PGK1: variants seen among roughly 807,000 people sequenced by gnomAD.
PGK1 encodes the protein PRP 2.
In PGK1, 3 loss-of-function variants were observed where a neutral mutation model predicts 26.9. The observed-to-expected ratio is 0.11, with a 90% CI of 0.05 to 0.29. The LOEUF (loss-of-function observed/expected upper bound fraction) is 0.29. PGK1 is among the 10% of genes least tolerant of loss of function. The probability of loss-of-function intolerance (pLI) is 1.00; values close to 1 mark genes in which losing one functional copy is unlikely to be tolerated. For synonymous variants in PGK1, 125 were observed against 115.3 expected (o/e 1.08, Z -0.54); for missense variants, 270 against 314.7 (o/e 0.86, Z 1.07).
intron 6 of PGK1, among the ~76,000 whole-genome samples, chrX:78,122,358 CACAATTAGCAATCGTGCTTAGAT>C (rs1471429033): frequency 1.8e-5 from 2 of 109,716 alleles, no homozygotes; most frequent in Non-Finnish European, 3.8e-5. Context: ...TCTGGGATCC[CACAATTAGCAATCGTGCTTAGAT>C]ACAATTAGCA....
intron 8 of PGK1, among the ~76,000 whole-genome samples, chrX:78,123,813 T>TG (rs782491672): frequency 1.4e-3 from 152 of 111,049 alleles, no homozygotes; most frequent in African/African-American, 4.6e-3. Context: ...TTCACCATGT[T>TG]GGTCAGGATG....
chrX:78,107,951 T>TA (rs1476861128), intron 1 of PGK1, among the ~76,000 whole-genome samples: 1 of 105,270 alleles, frequency 9.5e-6, no homozygotes, highest in Admixed American at 1.0e-4. Context: ...TCAGGGGTGT[T>TA]ATAAGGAAAC....
At chrX:78,111,127 C>T (rs2078298951) in intron 2 of PGK1, among the ~76,000 whole-genome samples, 1 of 108,551 alleles carries the variant, frequency 9.2e-6, no homozygotes, top group Non-Finnish European at 1.9e-5. Flanking sequence ...TTCTGTCGCC[C>T]AGGCTGGAGT....
intron 4 of PGK1, among the ~76,000 whole-genome samples, chrX:78,114,775 C>A (rs574251743): frequency 2.7e-5 from 3 of 112,261 alleles, no homozygotes; most frequent in Non-Finnish European, 5.6e-5. Context: ...GAACTACTCA[C>A]CTCTGCCGAT....
intron 4 of PGK1, among the ~76,000 whole-genome samples, chrX:78,115,293 T>C (rs1016295032): frequency 9.0e-6 from 1 of 111,404 alleles, no homozygotes; most frequent in Non-Finnish European, 1.9e-5. Flanking sequence ...GTAAACTGAC[T>C]TGACATTCAC....
At position 78,120,330 on chromosome X, in the gene PGK1, TAC is replaced by T. The variant is rs782472219; in HGVS notation, c.641+2178_641+2179del. Reference sequence around the variant, plus strand: ...TCCTAACTCTGTTTTGTCAGGAATGTACACACACACACACACACATATATATA... The same window carrying T: ...TCCTAACTCTGTTTTGTCAGGAATGTACACACACACACACACATATATATA... On this transcript the variant is annotated intron_variant, in intron 6 of 10. Coordinates refer to ENST00000373316, the MANE Select transcript of PGK1 (RefSeq NM_000291.4). Among the ~76,000 whole-genome samples the T allele has an allele frequency of 2.0e-3, 214 of 105,946 alleles. 1 individual carries two copies. Among genetic ancestry groups the T allele is most frequent in the African/African-American group, 5.9e-3 (171 of 29,087 alleles). The allele number at this position is 105,946 out of a possible 115,157, so 92.0% of individuals were successfully genotyped here.
Position 78,127,471 on chromosome X carries a change from C to T in PGK1, c.*1641C>T, listed in dbSNP as rs782461382. 8.9e-6 allele frequency: 1 copy of T among 111,893 alleles called. No individual in the cohort carries two copies. Among genetic ancestry groups the T allele is most frequent in the Non-Finnish European group, 1.9e-5 (1 of 53,231 alleles). 9.2% of individuals were successfully genotyped at this position (111,893 alleles called of 1,213,427 possible). ...GCCATGTCTGACCAGAAATTCTGTG[C>T]TGGAAAGATATGTATTTCACCTTTA... is the stretch of plus-strand genomic sequence containing the variant. On this transcript the variant is annotated 3_prime_UTR_variant, in exon 11 of 11. Coordinates refer to ENST00000373316, the MANE Select transcript of PGK1 (RefSeq NM_000291.4).
rs2078373661 is a variant in PGK1 at position 78,124,733 on chromosome X, A to C, written c.937-141A>C. 7.5e-6 allele frequency: 4 copies of C among 535,283 alleles called. No homozygotes were observed. The East Asian group carries it at 1.3e-4, about 18-fold the overall frequency. 44.1% of individuals were successfully genotyped at this position (535,283 alleles called of 1,213,427 possible). A position where few individuals can be genotyped will look rare whatever the true frequency, so the allele number is the denominator to read the frequency against. ...AGAATTTTTGAGTATAAAGGGCATG[A>C]ACAGGTTTATAAAGACTGAAGGGTA... On this transcript the variant is annotated intron_variant, in intron 8 of 10. Transcript: ENST00000373316.
At chrX:78,111,165 A>G (rs1264470494) in intron 2 of PGK1, among the ~76,000 whole-genome samples, 2 of 109,413 alleles carry the variant, frequency 1.8e-5, no homozygotes, top group East Asian at 2.9e-4. Flanking sequence ...GCTCACTGCA[A>G]TCTCTGCCTC....
chrX:78,125,217 G>T (rs2078376779), intron 9 of PGK1, 110 bp from the exon 10 acceptor site: 3 of 728,314 alleles, frequency 4.1e-6, no homozygotes, highest in Admixed American at 5.1e-5. Context: ...AGAGTTGGGG[G>T]TTTATCAGCT....
chrX:78,126,032 C>G lies in PGK1; in HGVS notation c.*202C>G. 1 of 467,216 alleles carries G rather than the reference C, an allele frequency of 2.1e-6. No homozygotes were observed. The highest frequency in any genetic ancestry group is 3.8e-6 in the Non-Finnish European group (1 of 264,045). 38.5% of individuals were successfully genotyped at this position (467,216 alleles called of 1,213,427 possible). A position where few individuals can be genotyped will look rare whatever the true frequency, so the allele number is the denominator to read the frequency against. On this transcript the variant is annotated 3_prime_UTR_variant, in exon 11 of 11. Transcript: ENST00000373316. ...TGGATTTGCATACATTCTTCAAGAT[C>G]CCATTTGAATTTTTTAGTGACTAAA...
chrX:78,112,781 C>T (rs2078307462), intron 2 of PGK1, among the ~76,000 whole-genome samples: 1 of 112,149 alleles, frequency 8.9e-6, no homozygotes, highest in Non-Finnish European at 1.9e-5. Flanking sequence ...TGAAAGAATG[C>T]ATGACAAGAT....
intron 8 of PGK1, among the ~76,000 whole-genome samples, chrX:78,123,614 T>G (rs1254100756): frequency 1.8e-4 from 19 of 106,682 alleles, no homozygotes; most frequent in East Asian, 1.5e-3. Flanking sequence ...GTTGTTGTTT[T>G]TTTTTTTTTT....
chrX:78,117,480 C>T (rs2149133757), intron 5 of PGK1, 65 bp downstream of exon 5: 1 of 769,896 alleles, frequency 1.3e-6, no homozygotes. Context: ...GTAGCCCAAG[C>T]TCTGGGTTGT....
intron 1 of PGK1, among the ~76,000 whole-genome samples, chrX:78,107,962 G>GAA (rs146163611): frequency 1.3e-5 from 1 of 74,842 alleles, no homozygotes. Context: ...ATAAGGAAAC[G>GAA]AAAAAAAAAA....
intron 1 of PGK1, among the ~76,000 whole-genome samples, chrX:78,104,682 G>T (rs782206029): frequency 9.0e-6 from 1 of 111,294 alleles, no homozygotes; most frequent in African/African-American, 3.3e-5. Context: ...TCCTATTGGT[G>T]AAATGCAGTT....
chrX:78,118,667 A>G (rs1923578188), intron 6 of PGK1, among the ~76,000 whole-genome samples: 1 of 111,722 alleles, frequency 9.0e-6, no homozygotes, highest in African/African-American at 3.3e-5. Context: ...ACAAAGGGAC[A>G]GTACAGTAAT....
Position 78,123,267 on chromosome X carries a change from G to A in PGK1, c.829G>A (p.Gly277Ser), listed in dbSNP as rs782609296. The A allele has an allele frequency of 8.3e-7, 1 of 1,201,232 alleles. No individual in the cohort carries two copies. Among genetic ancestry groups the A allele is most frequent in the South Asian group, 1.8e-5 (1 of 56,714 alleles). The change falls in exon 8 of 11, where the codon GGT (glycine) becomes AGT (serine). Residue 277 changes from glycine to serine, a missense_variant. This residue lies in a region of PGK1 where 103 missense variants were observed against 114.6 expected (regional missense o/e 0.90). Coordinates refer to ENST00000373316, the MANE Select transcript of PGK1 (RefSeq NM_000291.4). ...CCTAATGTCCAAAGCTGAGAAGAAT[G>A]GTGTGAAGATTACCTTGCCTGTTGA... ...KDLMSKAEKN[G>S]VKITLPVDFV...
At chrX:78,124,773 A>G in intron 8 of PGK1, 101 bp from the exon 9 acceptor site, 1 of 674,802 alleles carries the variant, frequency 1.5e-6, no homozygotes, top group Non-Finnish European at 2.4e-6. Flanking sequence ...TTGTTTCTAG[A>G]AGAAACTTTG....
Sources: gnomAD v4.1 joint callset for allele counts (sites outside exome capture counted in the v4.1 genomes callset) on GRCh38, gnomAD v4.1.1 for gene constraint, gnomAD v4.1.1 regional missense constraint, MANE v1.5 for transcripts, NCBI Gene and HGNC (gene_info 2026-07-23, HGNC 2026-07-21) for gene names.